PTPRD: variants seen among roughly 807,000 people sequenced by gnomAD.
PTPRD encodes the protein protein tyrosine phosphatase receptor type D.
PTPRD carries 34 observed loss-of-function variants against 214.5 expected under a neutral mutation model. The ratio of observed to expected loss-of-function variants is 0.16; its 90% CI spans 0.12 to 0.21. The LOEUF (loss-of-function observed/expected upper bound fraction) is 0.21, where lower values mean the gene tolerates loss of function less well. PTPRD is among the 10% of genes least tolerant of loss of function. PTPRD has a pLI of 1.00. For missense variants in PTPRD, 2,545 were observed against 2,398.7 expected (o/e 1.06, Z -1.27); for synonymous variants, 1,128 against 845.7 (o/e 1.33, Z -5.79).
At chr9:9,611,425 G>T (rs1006487749) in intron 7 of PTPRD, among the ~76,000 whole-genome samples, 1 of 151,802 alleles carries the variant, frequency 6.6e-6, no homozygotes, top group South Asian at 2.1e-4. Flanking sequence ...GTTTTGATTC[G>T]TAATTATTTA....
intron 6 of PTPRD, among the ~76,000 whole-genome samples, chr9:9,735,867 G>T (rs79530392): frequency 6.6e-6 from 1 of 152,082 alleles, no homozygotes; most frequent in Non-Finnish European, 1.5e-5. Flanking sequence ...TTTGCGGTGC[G>T]TTATAAACCA....
In PTPRD at chr9:8,341,823, T is replaced by C; in HGVS notation, c.4817A>G (p.His1606Arg). ...AGTCACTGCTTCTAACAGTGCATCA[T>C]GGATAAAGATGTATTGGTCTTCTGT... ...VQTEDQYIFI[H>R]DALLEAVTCG... Residue 1606 changes from histidine (H) to arginine (R), a missense_variant, in exon 40 of 46, where the codon CAT becomes CGT. Transcript: ENST00000381196. The C allele has an allele frequency of 6.2e-7, 1 of 1,613,588 alleles. No homozygotes were observed. Among genetic ancestry groups the C allele is most frequent in the Non-Finnish European group, 8.5e-7 (1 of 1,179,706 alleles).
intron 2 of PTPRD, among the ~76,000 whole-genome samples, chr9:10,566,135 T>G (rs2065533923): frequency 6.6e-6 from 1 of 152,056 alleles, no homozygotes; most frequent in Non-Finnish European, 1.5e-5. Context: ...TTTGCTCAGG[T>G]ACTCATCACA....
At position 9,998,129 on chromosome 9, in the gene PTPRD, A is replaced by AATATATATATATATATATATATAT. The variant is rs1555449231; in HGVS notation, c.-472+35588_-472+35589insATATATATATATATATATATATAT. Among the ~76,000 whole-genome samples the AATATATATATATATATATATATAT allele has an allele frequency of 4.5e-4, 41 of 91,414 alleles. 1 individual carries two copies. Among genetic ancestry groups the AATATATATATATATATATATATAT allele is most frequent in the African/African-American group, 2.4e-3 (40 of 16,954 alleles). The allele number at this position is 91,414 out of a possible 152,430, so 60.0% of individuals were successfully genotyped here. On this transcript the variant is annotated intron_variant, in intron 4 of 45. Transcript: ENST00000381196. ...TTAAAGTATAATAAAAAAAAAAAAAAATATATATATATATATAAAAGAAGA... is the reference window on the plus strand; with the variant it reads ...TTAAAGTATAATAAAAAAAAAAAAAAATATATATATATATATATATATATATATATATATATATATAAAAGAAGA...
chr9:9,688,294 C>T (rs1446096462), intron 7 of PTPRD, among the ~76,000 whole-genome samples: 1 of 151,826 alleles, frequency 6.6e-6, no homozygotes, highest in African/African-American at 2.4e-5. Flanking sequence ...CTAAATAAGG[C>T]ACTTCAATTT....
intron 35 of PTPRD, among the ~76,000 whole-genome samples, chr9:8,424,209 G>A (rs1386859848): frequency 6.6e-6 from 1 of 152,114 alleles, no homozygotes; most frequent in East Asian, 1.9e-4. Context: ...GGGGTCACCT[G>A]ACTACTATGT....
chr9:8,888,505 A>G (rs2098510479), intron 11 of PTPRD, among the ~76,000 whole-genome samples: 1 of 152,222 alleles, frequency 6.6e-6, no homozygotes, highest in African/African-American at 2.4e-5. Context: ...CAAAGAAAAC[A>G]AAAAGATGAC....
At chr9:9,539,784 T>G (rs967540161) in intron 8 of PTPRD, among the ~76,000 whole-genome samples, 1 of 151,878 alleles carries the variant, frequency 6.6e-6, no homozygotes, top group Non-Finnish European at 1.5e-5. Flanking sequence ...GTTCAGCATA[T>G]AGGAAAAGCA....
rs1209645941 is a variant in PTPRD at position 8,929,953 on chromosome 9, G to GTA, written c.-104+88742_-104+88743dup. On this transcript the variant is annotated intron_variant, in intron 11 of 45. Coordinates refer to ENST00000381196, the MANE Select transcript of PTPRD (RefSeq NM_002839.4). ...TGTGTATATATATATGTGTGTGTGT[G>GTA]TATATATATATATAACTATTATTAT... 5.0e-4 allele frequency among the ~76,000 whole-genome samples: 74 copies of GTA among 148,128 alleles called. 19 individuals are homozygous for GTA. Among genetic ancestry groups the GTA allele is most frequent in the Admixed American group, 3.1e-3 (46 of 14,652 alleles).
At chr9:9,902,879 C>A (rs538338263) in intron 5 of PTPRD, among the ~76,000 whole-genome samples, 13 of 152,110 alleles carry the variant, frequency 8.5e-5, no homozygotes, top group Non-Finnish European at 1.6e-4. Context: ...CAACACACAG[C>A]AACATTTTCT....
intron 7 of PTPRD, among the ~76,000 whole-genome samples, chr9:9,673,821 T>A (rs2096877331): frequency 6.7e-6 from 1 of 149,436 alleles, no homozygotes; most frequent in Non-Finnish European, 1.5e-5. Context: ...TAAGGAAAAA[T>A]GAGTGGGCTG....
At chr9:9,774,599 A>C (rs1271329539) in intron 5 of PTPRD, among the ~76,000 whole-genome samples, 2 of 152,200 alleles carry the variant, frequency 1.3e-5, no homozygotes, top group African/African-American at 2.4e-5. Flanking sequence ...GTACCTATAA[A>C]ACATTCTTTC....
chr9:9,232,505 G>A (rs1311048125), intron 9 of PTPRD, among the ~76,000 whole-genome samples: 1 of 152,042 alleles, frequency 6.6e-6, no homozygotes, highest in Non-Finnish European at 1.5e-5. Flanking sequence ...ATTGTTAAAA[G>A]ATCATTGCAT....
chr9:9,605,134 A>G (rs746224224), intron 7 of PTPRD, among the ~76,000 whole-genome samples: 5 of 152,092 alleles, frequency 3.3e-5, no homozygotes, highest in Non-Finnish European at 7.4e-5. Context: ...CACATAACGT[A>G]TACACTGGAA....
At chr9:9,207,920 G>A (rs893738825) in intron 9 of PTPRD, among the ~76,000 whole-genome samples, 14 of 150,634 alleles carry the variant, frequency 9.3e-5, no homozygotes, top group African/African-American at 3.4e-4. Context: ...AGCAATCTTC[G>A]TAGTATATCT....
intron 12 of PTPRD, among the ~76,000 whole-genome samples, chr9:8,678,013 A>G (rs991733471): frequency 7.9e-5 from 12 of 152,216 alleles, no homozygotes; most frequent in African/African-American, 2.6e-4. Flanking sequence ...CTCTCCTGCT[A>G]TCTCTGCTGA....
At chr9:10,036,190 G>C (rs928713482) in intron 3 of PTPRD, among the ~76,000 whole-genome samples, 1 of 152,074 alleles carries the variant, frequency 6.6e-6, no homozygotes, top group African/African-American at 2.4e-5. Context: ...GAACAGGTTA[G>C]GACTGACAGT....
At chr9:10,360,955 A>T in intron 2 of PTPRD, among the ~76,000 whole-genome samples, 1 of 151,724 alleles carries the variant, frequency 6.6e-6, no homozygotes, top group African/African-American at 2.4e-5. Context: ...ACAAAAAATT[A>T]GCCGGGCGTG....
At chr9:9,778,126 T>A (rs1382425854) in intron 5 of PTPRD, among the ~76,000 whole-genome samples, 1 of 152,140 alleles carries the variant, frequency 6.6e-6, no homozygotes, top group African/African-American at 2.4e-5. Flanking sequence ...TATGGGCAGA[T>A]GTTTGGAAAC....
Sources: gnomAD v4.1 joint callset for allele counts (sites outside exome capture counted in the v4.1 genomes callset) on GRCh38, gnomAD v4.1.1 for gene constraint, MANE v1.5 for transcripts, NCBI Gene and HGNC (gene_info 2026-07-23, HGNC 2026-07-21) for gene names.